UGT1A8: variants seen among roughly 807,000 people sequenced by gnomAD.
The protein encoded by UGT1A8 is UDP-glucuronosyltransferase 1A8.
A neutral mutation model predicts 45.3 loss-of-function variants in UGT1A8; 39 were observed. That is an observed-to-expected ratio of 0.86 (90% CI 0.67 to 1.12). The LOEUF (loss-of-function observed/expected upper bound fraction) is 1.12, where lower values mean the gene tolerates loss of function less well. Among genes scored for constraint, UGT1A8 ranks in the 50% most tolerant of loss-of-function variants. The probability of loss-of-function intolerance (pLI) is 0.00; values close to 1 mark genes in which losing one functional copy is unlikely to be tolerated. For synonymous variants in UGT1A8, 275 were observed against 249.2 expected, an observed-to-expected ratio of 1.10 and a Z score of -0.97; for missense variants, 719 against 664.9, an observed-to-expected ratio of 1.08 and a Z score of -0.90.
intron 1 of UGT1A8, chr2:233,682,767 G>C: frequency 6.2e-7 from 1 of 1,613,624 alleles, no homozygotes; most frequent in Admixed American, 1.7e-5. Context: ...GGTATCAACT[G>C]TCATCAGGGA....
rs1299617457 is a variant in UGT1A8, at chr2:233,724,834, A to G, written c.856-42200A>G. On this transcript the variant is annotated intron_variant, in intron 1 of 4. Coordinates refer to ENST00000373450, the MANE Select transcript of UGT1A8 (RefSeq NM_019076.5). ...GAGGCTGCAATCTCGGCACTTTGGG[A>G]GGCCAAGGCAGGCGGCTGGGAGGTG... 3.0e-5 allele frequency among the ~76,000 whole-genome samples: 4 copies of G among 132,466 alleles called. 1 individual carries two copies. The highest frequency in any genetic ancestry group is 6.3e-5 in the Non-Finnish European group (4 of 63,510). 86.9% of individuals were successfully genotyped at this position (132,466 alleles called of 152,430 possible).
chr2:233,740,631 C>T (rs1198172888), intron 1 of UGT1A8: 3 of 151,760 alleles, frequency 2.0e-5, no homozygotes, highest in Admixed American at 2.0e-4. Flanking sequence ...CAGGGTCATG[C>T]CTTTCCTTGC....
intron 1 of UGT1A8, among the ~76,000 whole-genome samples, chr2:233,749,222 T>C (rs1694145273): frequency 6.6e-6 from 1 of 151,946 alleles, no homozygotes; most frequent in Non-Finnish European, 1.5e-5. Context: ...CACTCTAAGC[T>C]TCATTTTTTA....
chr2:233,709,529 C>T (rs1169000951), intron 1 of UGT1A8, among the ~76,000 whole-genome samples: 1 of 151,942 alleles, frequency 6.6e-6, no homozygotes, highest in Non-Finnish European at 1.5e-5. Context: ...ATTCTTTTTC[C>T]TACTGTGATA....
intron 1 of UGT1A8, among the ~76,000 whole-genome samples, chr2:233,686,527 A>T (rs1171865612): frequency 2.0e-5 from 3 of 152,114 alleles, no homozygotes; most frequent in Non-Finnish European, 2.9e-5. Flanking sequence ...CCTGCGTTAG[A>T]ACCTAACCTT....
chr2:233,686,522 G>A (rs757832173), intron 1 of UGT1A8, among the ~76,000 whole-genome samples: 4 of 152,052 alleles, frequency 2.6e-5, no homozygotes, highest in Non-Finnish European at 5.9e-5. Context: ...CTCCACCTGC[G>A]TTAGAACCTA....
At chr2:233,757,428 A>G (rs987166652) in intron 1 of UGT1A8, among the ~76,000 whole-genome samples, 8 of 151,196 alleles carry the variant, frequency 5.3e-5, no homozygotes, top group South Asian at 2.1e-4. Flanking sequence ...AAGAGAAGAA[A>G]AGTCACTTCT....
intron 1 of UGT1A8, among the ~76,000 whole-genome samples, chr2:233,656,835 T>G (rs373279846): frequency 5.3e-5 from 8 of 152,248 alleles, no homozygotes; most frequent in East Asian, 3.9e-4. Flanking sequence ...AGTATTTTCT[T>G]TTCAGTTTAC....
At chr2:233,635,518 C>A (rs1414912422) in intron 1 of UGT1A8, among the ~76,000 whole-genome samples, 3 of 150,782 alleles carry the variant, frequency 2.0e-5, no homozygotes, top group African/African-American at 4.9e-5. Context: ...CCAAGCCATT[C>A]ATGAGGGATC....
chr2:233,656,900 T>C (rs1457368988), intron 1 of UGT1A8, among the ~76,000 whole-genome samples: 1 of 151,876 alleles, frequency 6.6e-6, no homozygotes, highest in African/African-American at 2.4e-5. Context: ...ATGCTTCATG[T>C]GGCATCTCCC....
chr2:233,772,626 A>T lies in UGT1A8; in HGVS notation c.*67A>T. On this transcript the variant is annotated 3_prime_UTR_variant, in exon 5 of 5. Coordinates refer to ENST00000373450, the MANE Select transcript of UGT1A8 (RefSeq NM_019076.5). ...AGTCATTTCCAAACTTGAAAACAGA[A>T]TCAGTGTTAAATTCATTTTATTCTT... The T allele has an allele frequency of 3.8e-6, 6 of 1,561,972 alleles. No homozygotes were observed. Among genetic ancestry groups the T allele is most frequent in the Non-Finnish European group, 5.2e-6 (6 of 1,152,668 alleles).
At chr2:233,716,806 G>A (rs1420257230) in intron 1 of UGT1A8, among the ~76,000 whole-genome samples, 2 of 152,272 alleles carry the variant, frequency 1.3e-5, no homozygotes, top group South Asian at 2.1e-4. Flanking sequence ...GTCTCTGGAC[G>A]TTGCTGGGGT....
At chr2:233,689,968 A>G (rs2074968458) in intron 1 of UGT1A8, 2 of 456,038 alleles carry the variant, frequency 4.4e-6, no homozygotes, top group South Asian at 1.6e-5. Context: ...GCTTGGAGGA[A>G]CCCACAGGCC....
At chr2:233,620,213 T>C (rs1316739594) in intron 1 of UGT1A8, among the ~76,000 whole-genome samples, 1 of 152,196 alleles carries the variant, frequency 6.6e-6, no homozygotes, top group Non-Finnish European at 1.5e-5. Flanking sequence ...AGACTACAGT[T>C]GTAGGCCTTT....
intron 1 of UGT1A8, among the ~76,000 whole-genome samples, chr2:233,762,294 C>T (rs867302636): frequency 2.0e-5 from 3 of 152,346 alleles, no homozygotes; most frequent in Middle Eastern, 3.4e-3. Flanking sequence ...AAGGTGCCAA[C>T]CGAGGTCTAG....
chr2:233,637,234 C>G, intron 1 of UGT1A8: 1 of 1,613,928 alleles, frequency 6.2e-7, no homozygotes, highest in Non-Finnish European at 8.5e-7. Flanking sequence ...TCTCCAAACC[C>G]CTGTCACGGC....
chr2:233,713,373 T>C (rs1347311443), intron 1 of UGT1A8: 2 of 1,614,164 alleles, frequency 1.2e-6, no homozygotes, highest in Non-Finnish European at 8.5e-7. Context: ...ACATAGGTCT[T>C]GTGTGGAGCT....
intron 1 of UGT1A8, chr2:233,693,869 G>C (rs1216343512): frequency 6.2e-7 from 1 of 1,614,152 alleles, no homozygotes; most frequent in Non-Finnish European, 8.5e-7. Flanking sequence ...GTCTCAGGTT[G>C]GTGGGTTTAT....
intron 1 of UGT1A8, among the ~76,000 whole-genome samples, chr2:233,759,957 T>C (rs371912681): frequency 1.3e-5 from 2 of 152,236 alleles, no homozygotes; most frequent in Non-Finnish European, 2.9e-5. Context: ...CACTACATAG[T>C]CGTCCTTCTT....
Sources: allele counts gnomAD v4.1 joint callset (sites outside exome capture counted in the v4.1 genomes callset), GRCh38; gene constraint gnomAD v4.1.1; transcripts MANE v1.5; gene names NCBI Gene and HGNC (gene_info 2026-07-23, HGNC 2026-07-21).